CAST: variants seen among roughly 807,000 people sequenced by gnomAD.
CAST encodes calpastatin.
CAST carries 76 observed loss-of-function variants against 119.6 expected under a neutral mutation model. That is an observed-to-expected ratio of 0.64 (90% CI 0.53 to 0.77). The LOEUF is 0.77. Among genes scored for constraint, CAST ranks in the 30% least tolerant of loss-of-function variants. CAST has a pLI of 0.00. For missense variants in CAST, 953 were observed against 946.5 expected (o/e 1.01, Z -0.09); for synonymous variants, 319 against 331.6 (o/e 0.96, Z 0.41).
At chr5:96,173,777 G>C in the CAST span, among the ~76,000 whole-genome samples, 514 of 148,828 alleles carry the variant, frequency 3.5e-3, 2 homozygotes, top group African/African-American at 0.012. Context: ...CGGAGTCTCT[G>C]TCGCCCAGGC....
chr5:96,515,849 T>C, the CAST span, among the ~76,000 whole-genome samples: 6 of 152,064 alleles, frequency 3.9e-5, no homozygotes, highest in Admixed American at 3.3e-4. Context: ...AAATTCTGTA[T>C]TGGATCAAAA....
the CAST span, among the ~76,000 whole-genome samples, chr5:96,328,355 T>C: frequency 6.6e-6 from 1 of 150,866 alleles, no homozygotes; most frequent in African/African-American, 2.4e-5. Context: ...TTTAGCTTGC[T>C]TTTTTCTCTG....
the CAST span, among the ~76,000 whole-genome samples, chr5:96,021,130 A>G: frequency 1.8e-4 from 27 of 152,240 alleles, no homozygotes; most frequent in South Asian, 5.2e-3. Flanking sequence ...CAGAATGTGC[A>G]TCATCCAATA....
At chr5:96,228,399 G>T in the CAST span, among the ~76,000 whole-genome samples, 3 of 152,162 alleles carry the variant, frequency 2.0e-5, no homozygotes, top group African/African-American at 7.2e-5. Context: ...CATAGTCTCA[G>T]TTGGAATCCA....
At chr5:96,467,743 G>C in the CAST span, among the ~76,000 whole-genome samples, 1 of 151,916 alleles carries the variant, frequency 6.6e-6, no homozygotes, top group Non-Finnish European at 1.5e-5. Context: ...AGCTGTTGGC[G>C]TGGATGTGGT....
chr5:96,162,893 AT>A, the CAST span, among the ~76,000 whole-genome samples: 1 of 152,192 alleles, frequency 6.6e-6, no homozygotes, highest in South Asian at 2.1e-4. Flanking sequence ...GTCTGGTTTT[AT>A]AATTAGGATA....
At chr5:96,122,688 T>C in the CAST span, among the ~76,000 whole-genome samples, 1 of 152,132 alleles carries the variant, frequency 6.6e-6, no homozygotes, top group Non-Finnish European at 1.5e-5. Context: ...AAGATAATTA[T>C]CTAAAAACTG....
At chr5:96,177,360 AAG>A in the CAST span, among the ~76,000 whole-genome samples, 1 of 152,220 alleles carries the variant, frequency 6.6e-6, no homozygotes, top group Non-Finnish European at 1.5e-5. Context: ...CCTGAAATCC[AAG>A]AGAATATTGT....
chr5:96,382,133 G>A, the CAST span, among the ~76,000 whole-genome samples: 9 of 152,092 alleles, frequency 5.9e-5, no homozygotes, highest in Non-Finnish European at 1.2e-4. Flanking sequence ...TTCTAATGTC[G>A]CTACTTCACT....
the CAST span, among the ~76,000 whole-genome samples, chr5:96,048,338 TAGCTTTGATGAGAA>T: frequency 2.0e-5 from 3 of 152,106 alleles, no homozygotes; most frequent in Non-Finnish European, 4.4e-5. Context: ...GAGACAATGA[TAGCTTTGATGAGAA>T]GAGTGATGCC....
chr5:96,474,529 G>A, the CAST span, among the ~76,000 whole-genome samples: 1 of 152,166 alleles, frequency 6.6e-6, no homozygotes, highest in Non-Finnish European at 1.5e-5. Context: ...ATAAAATGTG[G>A]CTCTCCTTCT....
intron 1 of CAST, among the ~76,000 whole-genome samples, chr5:96,585,891 T>C (rs1337461822): frequency 1.3e-5 from 2 of 152,236 alleles, no homozygotes; most frequent in Non-Finnish European, 2.9e-5. Context: ...TTAACAACTT[T>C]CTTAGACACG....
intron 16 of CAST, among the ~76,000 whole-genome samples, chr5:96,744,609 A>G (rs901866769): frequency 4.6e-5 from 7 of 152,210 alleles, no homozygotes; most frequent in African/African-American, 1.7e-4. Flanking sequence ...TTTTAATCAT[A>G]TACAAAGTAT....
At chr5:96,314,397 T>C in the CAST span, among the ~76,000 whole-genome samples, 1 of 152,162 alleles carries the variant, frequency 6.6e-6, no homozygotes. Flanking sequence ...CTCTTGCTGT[T>C]GCTAAATGTT....
At chr5:96,688,903 T>G (rs1485951169) in intron 2 of CAST, among the ~76,000 whole-genome samples, 1 of 152,132 alleles carries the variant, frequency 6.6e-6, no homozygotes, top group East Asian at 1.9e-4. Flanking sequence ...AGAAGTGCTG[T>G]GTATTTGAGA....
At chr5:95,971,473 G>A in the CAST span, among the ~76,000 whole-genome samples, 1 of 152,196 alleles carries the variant, frequency 6.6e-6, no homozygotes, top group East Asian at 1.9e-4. Flanking sequence ...TTTTTAAAAT[G>A]TATTTTTAAT....
chr5:96,069,655 C>CTTTTTTTTTTTTTTTTTTTTT, the CAST span, among the ~76,000 whole-genome samples: 1 of 78,376 alleles, frequency 1.3e-5, no homozygotes, highest in Non-Finnish European at 2.3e-5. Context: ...GGTAATTAAA[C>CTTTTTTTTTTTTTTTTTTTTT]TTTTTTTTTT....
At chr5:96,459,330 C>T in the CAST span, among the ~76,000 whole-genome samples, 1 of 151,970 alleles carries the variant, frequency 6.6e-6, no homozygotes, top group African/African-American at 2.4e-5. Context: ...CTCTCATGGT[C>T]GTATATTGTA....
the CAST span, among the ~76,000 whole-genome samples, chr5:96,299,813 C>A: frequency 7.2e-5 from 11 of 152,048 alleles, no homozygotes; most frequent in Non-Finnish European, 8.8e-5. Context: ...TTGTATATAT[C>A]TTTGAGGTAC....
Sources: gnomAD v4.1 joint callset for allele counts (sites outside exome capture counted in the v4.1 genomes callset) on GRCh38, gnomAD v4.1.1 for gene constraint, MANE v1.5 for transcripts, NCBI Gene and HGNC (gene_info 2026-07-23, HGNC 2026-07-21) for gene names.